Variants in OSBPL6 observed in about 807,000 individuals in gnomAD.
OSBPL6 encodes oxysterol-binding protein-related protein 6.
Under a neutral mutation model 125.8 loss-of-function variants are expected in OSBPL6, and 49 were observed. The ratio of observed to expected loss-of-function variants is 0.39; its 90% CI spans 0.31 to 0.49. OSBPL6 has a LOEUF of 0.49. OSBPL6 is among the 20% of genes least tolerant of loss of function. The pLI, the probability that OSBPL6 is intolerant of heterozygous loss-of-function variation, is 0.88. For synonymous variants in OSBPL6, 394 were observed against 391.8 expected, an observed-to-expected ratio of 1.01 and a Z score of -0.07; for missense variants, 986 against 1,135.4, an observed-to-expected ratio of 0.87 and a Z score of 1.89.
chr2:178,330,563 G>A (rs1197475888), intron 5 of OSBPL6, among the ~76,000 whole-genome samples: 2 of 152,132 alleles, frequency 1.3e-5, no homozygotes, highest in Non-Finnish European at 1.5e-5. Context: ...GTTTACAGTG[G>A]CCTTCTGTCA....
intron 1 of OSBPL6, among the ~76,000 whole-genome samples, chr2:178,263,248 A>G (rs11887212): frequency 0.26 from 39,992 of 152,102 alleles, 5,931 homozygotes; most frequent in African/African-American, 0.41. Context: ...GAAGGCCGAG[A>G]TGGGCGGATC....
chr2:178,286,910 A>G (rs1247042660), intron 2 of OSBPL6, among the ~76,000 whole-genome samples: 6 of 152,160 alleles, frequency 3.9e-5, no homozygotes, highest in Non-Finnish European at 8.8e-5. Flanking sequence ...AGTTGTAGTT[A>G]CTCACAAACT....
intron 1 of OSBPL6, among the ~76,000 whole-genome samples, chr2:178,194,982 T>C (rs1450017741): frequency 6.6e-6 from 1 of 152,096 alleles, no homozygotes; most frequent in Non-Finnish European, 1.5e-5. Flanking sequence ...TCCGGCCGCC[T>C]GCCACTAGCG....
intron 1 of OSBPL6, among the ~76,000 whole-genome samples, chr2:178,209,439 C>CTTTTTTTTTTTTT (rs71850875): frequency 2.1e-5 from 2 of 95,750 alleles, no homozygotes; most frequent in African/African-American, 7.8e-5. Context: ...TTCTTTCTTT[C>CTTTTTTTTTTTTT]TTTTTTTTTT....
intron 13 of OSBPL6, among the ~76,000 whole-genome samples, chr2:178,365,063 C>T (rs992606551): frequency 6.6e-6 from 1 of 152,022 alleles, no homozygotes; most frequent in Non-Finnish European, 1.5e-5. Context: ...ATAATCCCAG[C>T]TGTTTGGGAG....
chr2:178,395,770 CTTAAA>C lies in OSBPL6; in HGVS notation c.*212_*216del. The stretch of plus-strand genomic sequence containing the variant: ...TTTCTGTTTTGCTGCAACCATATTC[CTTAAA>C]AAAAAAAAAAAAAAAAAAAAAAAAA... On this transcript the variant is annotated 3_prime_UTR_variant, in exon 25 of 25. Coordinates refer to ENST00000190611, the MANE Select transcript of OSBPL6 (RefSeq NM_032523.4). 6.1e-6 allele frequency: 2 copies of C among 329,866 alleles called. No homozygotes were observed. The highest frequency in any genetic ancestry group is 3.9e-5 in the Admixed American group (1 of 25,408). The allele number at this position is 329,866 out of a possible 1,614,324, so 20.4% of individuals were successfully genotyped here.
At chr2:178,259,155 C>A (rs1290569013) in intron 1 of OSBPL6, among the ~76,000 whole-genome samples, 1 of 152,180 alleles carries the variant, frequency 6.6e-6, no homozygotes. Flanking sequence ...CTAGCTGAGT[C>A]ATTGGCTAAT....
chr2:178,314,111 G>A (rs1009271859), intron 3 of OSBPL6, among the ~76,000 whole-genome samples: 2 of 152,168 alleles, frequency 1.3e-5, no homozygotes, highest in African/African-American at 4.8e-5. Context: ...TCTTCAAATC[G>A]CTCTGTTGAA....
At chr2:178,245,921 T>A (rs138653563) in intron 1 of OSBPL6, among the ~76,000 whole-genome samples, 18 of 152,246 alleles carry the variant, frequency 1.2e-4, no homozygotes, top group African/African-American at 3.6e-4. Context: ...AAGGCTGATG[T>A]TTGTGTGCCC....
At chr2:178,286,427 A>G (rs1684701518) in intron 2 of OSBPL6, among the ~76,000 whole-genome samples, 1 of 152,220 alleles carries the variant, frequency 6.6e-6, no homozygotes, top group Non-Finnish European at 1.5e-5. Flanking sequence ...CTTTAATATA[A>G]CATTCTATTA....
intron 19 of OSBPL6, among the ~76,000 whole-genome samples, chr2:178,385,743 G>A (rs1559324289): frequency 6.6e-6 from 1 of 152,196 alleles, no homozygotes; most frequent in Non-Finnish European, 1.5e-5. Flanking sequence ...AATGCTGTAT[G>A]GAATAGCAGA....
intron 14 of OSBPL6, among the ~76,000 whole-genome samples, chr2:178,372,539 T>C (rs1265789636): frequency 6.6e-6 from 1 of 151,062 alleles, no homozygotes; most frequent in African/African-American, 2.4e-5. Context: ...ATTGGAAGTG[T>C]TCATTAGCAT....
chr2:178,335,412 T>C (rs1689590411), intron 8 of OSBPL6, among the ~76,000 whole-genome samples: 1 of 152,152 alleles, frequency 6.6e-6, no homozygotes, highest in Admixed American at 6.5e-5. Flanking sequence ...AAGATTTCCA[T>C]TACATTTATC....
intron 18 of OSBPL6, among the ~76,000 whole-genome samples, chr2:178,385,252 G>A (rs568816330): frequency 6.6e-6 from 1 of 152,126 alleles, no homozygotes; most frequent in Admixed American, 6.6e-5. Context: ...AGGAAGGAAG[G>A]AAGAAAGAAA....
At chr2:178,339,246 G>A (rs957519455) in intron 10 of OSBPL6, 152 bp downstream of exon 10, 5 of 500,594 alleles carry the variant, frequency 1.0e-5, no homozygotes, top group Non-Finnish European at 1.7e-5. Flanking sequence ...TAATATTTTT[G>A]AATCTCAGTG....
At chr2:178,315,144 G>A (rs1354749625) in intron 3 of OSBPL6, among the ~76,000 whole-genome samples, 1 of 152,100 alleles carries the variant, frequency 6.6e-6, no homozygotes, top group Non-Finnish European at 1.5e-5. Context: ...TTTACTACAC[G>A]TATTGCTTTT....
At position 178,204,815 on chromosome 2, in the gene OSBPL6, A is replaced by G. The variant is rs564716679; in HGVS notation, c.-351+10141A>G. Among the ~76,000 whole-genome samples, 3 of 152,222 alleles carry G rather than the reference A, an allele frequency of 2.0e-5. No homozygotes were observed. The South Asian group carries it at 6.2e-4, about 32-fold the overall frequency. ...GGAAGCCCACCTGAGAGGGAGAGTTACTCTAGCAATGCAGTTGAGTGAGTT... is the reference window on the plus strand; with the variant it reads ...GGAAGCCCACCTGAGAGGGAGAGTTGCTCTAGCAATGCAGTTGAGTGAGTT... On this transcript the variant is annotated intron_variant, in intron 1 of 24. Coordinates refer to ENST00000190611, the MANE Select transcript of OSBPL6 (RefSeq NM_032523.4).
intron 15 of OSBPL6, among the ~76,000 whole-genome samples, chr2:178,380,667 A>T (rs1694388968): frequency 6.6e-6 from 1 of 152,114 alleles, no homozygotes; most frequent in Admixed American, 6.5e-5. Context: ...TCTGATCTAG[A>T]AATAAATTTT....
chr2:178,346,096 T>A (rs1690689057), intron 11 of OSBPL6, among the ~76,000 whole-genome samples: 1 of 152,218 alleles, frequency 6.6e-6, no homozygotes, highest in South Asian at 2.1e-4. Context: ...TTTGTCTCCA[T>A]ACCAAAATGC....
Sources: allele counts gnomAD v4.1 joint callset (sites outside exome capture counted in the v4.1 genomes callset), GRCh38; gene constraint gnomAD v4.1.1; transcripts MANE v1.5; gene names NCBI Gene and HGNC (gene_info 2026-07-23, HGNC 2026-07-21).